The following SHOX2 variants were observed in gnomAD, a reference collection of about 807,000 sequenced individuals.
The protein encoded by SHOX2 is SHOX homeobox 2, also known as short stature homeobox protein 2.
SHOX2 carries 13 observed loss-of-function variants against 31.3 expected under a neutral mutation model. The ratio of observed to expected loss-of-function variants is 0.42; its 90% CI spans 0.27 to 0.66. The LOEUF is 0.66. SHOX2 is among the 30% of genes least tolerant of loss of function. The pLI is 0.27. For missense variants in SHOX2, 473 were observed against 443.0 expected (o/e 1.07, Z -0.61); for synonymous variants, 244 against 196.2 (o/e 1.24, Z -2.04).
chr3:158,101,976 C>G (rs1713520730), intron 2 of SHOX2, among the ~76,000 whole-genome samples: 1 of 152,094 alleles, frequency 6.6e-6, no homozygotes, highest in African/African-American at 2.4e-5. Flanking sequence ...GGGTATGGCA[C>G]GTGCTGGAGG....
In SHOX2 at chr3:158,106,193, GAAGA is replaced by G; in HGVS notation, c.-173_-170del. 2 of 1,108,164 alleles carry G rather than the reference GAAGA, an allele frequency of 1.8e-6. No individual in the cohort carries two copies. The highest frequency in any genetic ancestry group is 2.6e-4 in the Middle Eastern group (1 of 3,846). 68.6% of individuals were successfully genotyped at this position (1,108,164 alleles called of 1,614,324 possible). ...AGAAGAAGAAAAAGAGGAGAAGAAAGAAGAAAGAGGAGGAGAAGTAGAAGGAGAA... is the reference window on the plus strand; with the variant it reads ...AGAAGAAGAAAAAGAGGAGAAGAAAGAAGAGGAGGAGAAGTAGAAGGAGAA... On this transcript the variant is annotated 5_prime_UTR_variant, in exon 1 of 5. Transcript: ENST00000483851.
intron 4 of SHOX2, among the ~76,000 whole-genome samples, chr3:158,099,323 G>T (rs1317070521): frequency 6.6e-6 from 1 of 152,236 alleles, no homozygotes; most frequent in Non-Finnish European, 1.5e-5. Flanking sequence ...AGGCAGGGCA[G>T]CCCTGGGAAG....
intron 1 of SHOX2, chr3:158,105,222 G>T: frequency 2.7e-6 from 2 of 753,204 alleles, no homozygotes; most frequent in Admixed American, 4.2e-5. Context: ...AAACACCTAG[G>T]CGACCGGAGG....
In SHOX2 at chr3:158,097,846, G is replaced by A; in HGVS notation, c.*181C>T. The A allele has an allele frequency of 1.3e-6, 1 of 785,588 alleles. No individual in the cohort carries two copies. The highest frequency in any genetic ancestry group is 2.0e-6 in the Non-Finnish European group (1 of 488,452). The allele number at this position is 785,588 out of a possible 1,614,324, so 48.7% of individuals were successfully genotyped here. On this transcript the variant is annotated 3_prime_UTR_variant, in exon 5 of 5. Coordinates refer to ENST00000483851, the MANE Select transcript of SHOX2 (RefSeq NM_001163678.2). Reference sequence around the variant, plus strand: ...AGCCTGCGTGCCTCGTGAGATCCCTGGTCCTGCGTGGAGTCTGGCTTTCCG... The same window carrying A: ...AGCCTGCGTGCCTCGTGAGATCCCTAGTCCTGCGTGGAGTCTGGCTTTCCG...
Position 158,106,302 on chromosome 3 carries a change from A to ATTCT in SHOX2, c.-279_-278insAGAA. On this transcript the variant is annotated 5_prime_UTR_variant, in exon 1 of 5. Coordinates refer to ENST00000483851, the MANE Select transcript of SHOX2 (RefSeq NM_001163678.2). ...AGAGGAGAGGGAGGAGGAGGAGGAGAAGAGAAGGGGCGGGGGCTGCCGGAG... is the reference window on the plus strand; with the variant it reads ...AGAGGAGAGGGAGGAGGAGGAGGAGATTCTAGAGAAGGGGCGGGGGCTGCCGGAG... 2.2e-6 allele frequency: 1 copy of ATTCT among 452,098 alleles called. No individual in the cohort carries two copies. Among genetic ancestry groups the ATTCT allele is most frequent in the Non-Finnish European group, 3.9e-6 (1 of 257,650 alleles). The allele number at this position is 452,098 out of a possible 1,614,324, so 28.0% of individuals were successfully genotyped here. A position where few individuals can be genotyped will look rare whatever the true frequency, so the allele number is the denominator to read the frequency against.
At chr3:158,102,338 A>AT (rs201563945) in intron 2 of SHOX2, among the ~76,000 whole-genome samples, 2,931 of 151,666 alleles carry the variant, frequency 0.019, 48 homozygotes, top group Non-Finnish European at 0.03. Flanking sequence ...TTTCTGTGGG[A>AT]TTTTTTTTTA....
intron 4 of SHOX2, 155 bp from the exon 5 acceptor site, chr3:158,098,439 T>A: frequency 1.1e-6 from 1 of 893,220 alleles, no homozygotes; most frequent in Non-Finnish European, 1.7e-6. Context: ...GTTCCGACAG[T>A]GACCTTCTCA....
Position 158,097,797 on chromosome 3 carries a change from T to C in SHOX2, c.*230A>G, listed in dbSNP as rs1713214846. The C allele has an allele frequency of 6.8e-6, 4 of 588,466 alleles. No homozygotes were observed. Among genetic ancestry groups the C allele is most frequent in the South Asian group, 6.5e-5 (3 of 45,836 alleles). The allele number at this position is 588,466 out of a possible 1,614,324, so 36.5% of individuals were successfully genotyped here. A position where few individuals can be genotyped will look rare whatever the true frequency, so the allele number is the denominator to read the frequency against. The stretch of plus-strand genomic sequence containing the variant: ...CAAAACCCAATTCTAGGCCCTCGAG[T>C]AGGAAAACGGGCAGGAGCCACGGAG... On this transcript the variant is annotated 3_prime_UTR_variant, in exon 5 of 5. Transcript: ENST00000483851.
intron 2 of SHOX2, among the ~76,000 whole-genome samples, chr3:158,102,219 G>A (rs897985307): frequency 6.6e-6 from 1 of 152,038 alleles, no homozygotes; most frequent in African/African-American, 2.4e-5. Flanking sequence ...AACCTAATTG[G>A]GATATCCGCT....
rs11359775 is a variant in SHOX2, at chr3:158,101,589, G to GT, written c.555+1088dup. Among the ~76,000 whole-genome samples the GT allele has an allele frequency of 4.0e-5, 6 of 151,596 alleles. No homozygotes were observed. In the South Asian group the frequency reaches 6.2e-4, roughly 16 times the overall value. ...TTTTCCTCTTCAACGTGACTGCTCT[G>GT]TTTTTTTTTTTCCTGATCCTGTTAC... is the stretch of plus-strand genomic sequence containing the variant. On this transcript the variant is annotated intron_variant, in intron 2 of 4. Transcript: ENST00000483851.
In SHOX2 at chr3:158,106,110, C is replaced by A. The variant is rs1713915035; in HGVS notation, c.-86G>T. ...TTCTTCTTTTTTTACTGCTCCAGCC[C>A]CCCCAATAATAACACATCAATGGGA... On this transcript the variant is annotated 5_prime_UTR_variant, in exon 1 of 5. Transcript: ENST00000483851. 4 of 1,578,156 alleles carry A rather than the reference C, an allele frequency of 2.5e-6. No homozygotes were observed. The African/African-American group carries it at 4.2e-5, about 16-fold the overall frequency.
At chr3:158,105,613 T>C in intron 1 of SHOX2, 66 bp downstream of exon 1, 1 of 1,432,894 alleles carries the variant, frequency 7.0e-7, no homozygotes, top group Non-Finnish European at 9.3e-7. Context: ...CGGAGTCCTC[T>C]CCCGCCCGAG....
At chr3:158,099,709 A>C in intron 4 of SHOX2, 151 bp downstream of exon 4, 1 of 641,482 alleles carries the variant, frequency 1.6e-6, no homozygotes, top group Non-Finnish European at 2.7e-6. Flanking sequence ...AGGTTTTTAA[A>C]GGGTAGTGGG....
Position 158,105,906 on chromosome 3 carries a change from G to C in SHOX2, c.119C>G (p.Pro40Arg). Reference protein sequence around the residue: ...ESGPLRGAKEPTGCTEAGRDD... With the variant: ...ESGPLRGAKERTGCTEAGRDD... The stretch of plus-strand genomic sequence containing the variant: ...GCGGCCCGCCTCGGTGCAGCCGGTC[G>C]GCTCCTTGGCCCCGCGCAGCGGCCC... Residue 40 changes from proline to arginine, a missense_variant, in exon 1 of 5, where the codon CCG becomes CGG. Physicochemically the swap from Pro to Arg is moderately radical, Grantham distance 103. This residue lies in a region of SHOX2 where 276 missense variants were observed against 230.0 expected (regional missense o/e 1.20). Coordinates refer to ENST00000483851, the MANE Select transcript of SHOX2 (RefSeq NM_001163678.2). The C allele has an allele frequency of 1.9e-6, 3 of 1,591,092 alleles. No homozygotes were observed. Among genetic ancestry groups the C allele is most frequent in the African/African-American group, 1.4e-5 (1 of 72,478 alleles).
Position 158,105,753 on chromosome 3 carries a change from C to T in SHOX2, c.272G>A (p.Arg91His), listed in dbSNP as rs539414065. Residue 91 changes from arginine (R) to histidine (H), a missense_variant, in exon 1 of 5, where the codon CGC becomes CAC. Physicochemically the swap from Arg to His is conservative, Grantham distance 29. Transcript: ENST00000483851. ...CATGTCCAGCTCCCGGACGGGAGAG[C>T]GCCCTCCTCCAGCTCCTCCGCCTGC... Reference protein sequence around the residue: ...GGAGGGAGGGRSPVRELDMGA... With the variant: ...GGAGGGAGGGHSPVRELDMGA... 9 of 1,522,304 alleles carry T rather than the reference C, an allele frequency of 5.9e-6. No individual in the cohort carries two copies. In the South Asian group the frequency reaches 6.0e-5, roughly 10 times the overall value. 94.3% of individuals were successfully genotyped at this position (1,522,304 alleles called of 1,614,324 possible).
chr3:158,100,052 T>C, intron 3 of SHOX2, 104 bp from the exon 4 acceptor site: 1 of 1,067,012 alleles, frequency 9.4e-7, no homozygotes, highest in Non-Finnish European at 1.4e-6. Context: ...AAATGGACTA[T>C]TATCTTTCTA....
chr3:158,104,300 C>A (rs942588670), intron 1 of SHOX2, among the ~76,000 whole-genome samples: 2 of 152,252 alleles, frequency 1.3e-5, no homozygotes, highest in Non-Finnish European at 2.9e-5. Context: ...CTGCACTGGG[C>A]ACCTTGACGG....
intron 1 of SHOX2, chr3:158,105,299 C>A: frequency 1.6e-6 from 1 of 609,810 alleles, no homozygotes; most frequent in Non-Finnish European, 2.9e-6. Flanking sequence ...AGCTTTAGTC[C>A]CGCCGTCTGG....
chr3:158,098,154 G>C lies in SHOX2; in HGVS notation c.833C>G (p.Ala278Gly), dbSNP rs747874512. 1 of 1,613,416 alleles carries C rather than the reference G, an allele frequency of 6.2e-7. No individual in the cohort carries two copies. The highest frequency in any genetic ancestry group is 8.5e-7 in the Non-Finnish European group (1 of 1,179,646). The change falls in exon 5 of 5, where the codon GCC becomes GGC. Residue 278 changes from alanine (A) to glycine (G), a missense_variant. Around this residue, in one of 3 missense-constraint regions of SHOX2, gnomAD observed 182 missense variants for 167.2 expected, o/e 1.09. Transcript: ENST00000483851. ...PPFGLPLATL[A>G]ADSASAASVV... Reference sequence around the variant, plus strand: ...CGAGGCGGCGGAAGCCGAATCCGCGGCCAGCGTGGCGAGCGGCAGTCCGAA... The same window carrying C: ...CGAGGCGGCGGAAGCCGAATCCGCGCCCAGCGTGGCGAGCGGCAGTCCGAA...
Sources: allele counts gnomAD v4.1 joint callset (sites outside exome capture counted in the v4.1 genomes callset), GRCh38; gene constraint gnomAD v4.1.1; regional missense constraint gnomAD v4.1.1; transcripts MANE v1.5; gene names NCBI Gene and HGNC (gene_info 2026-07-23, HGNC 2026-07-21).